The following IL17RD variants were observed in gnomAD, a reference collection of about 807,000 sequenced individuals.
IL17RD encodes interleukin 17 receptor D.
Under a neutral mutation model 80.5 loss-of-function variants are expected in IL17RD, and 52 were observed. That is an observed-to-expected ratio of 0.65 (90% CI 0.52 to 0.81). The LOEUF (loss-of-function observed/expected upper bound fraction) is 0.81, where lower values mean the gene tolerates loss of function less well. Ranked by LOEUF, IL17RD falls within the 40% of genes least tolerant of loss-of-function variation. The pLI is 0.00. For missense variants in IL17RD, 1,024 were observed against 955.1 expected, an observed-to-expected ratio of 1.07 and a Z score of -0.95; for synonymous variants, 416 against 391.8, an observed-to-expected ratio of 1.06 and a Z score of -0.73.
In IL17RD at chr3:57,094,287, T is replaced by C. The variant is rs1579249188; in HGVS notation, c.*2106A>G. The C allele has an allele frequency of 6.6e-6, 1 of 152,066 alleles. No homozygotes were observed. The highest frequency in any genetic ancestry group is 1.5e-5 in the Non-Finnish European group (1 of 68,022). The allele number at this position is 152,066 out of a possible 1,614,324, so 9.4% of individuals were successfully genotyped here. ...TTATTCTGAGGCAATCACACTATGG[T>C]TTCATTACTCGGTATATTAAGAGTT... On this transcript the variant is annotated 3_prime_UTR_variant, in exon 13 of 13. Coordinates refer to ENST00000296318, the MANE Select transcript of IL17RD (RefSeq NM_017563.5).
intron 1 of IL17RD, chr3:57,142,506 T>C: frequency 1.6e-6 from 2 of 1,288,336 alleles, no homozygotes; most frequent in Non-Finnish European, 2.0e-6. Context: ...GCGCGTGGCA[T>C]CCCTCCCCCT....
At position 57,105,949 on chromosome 3, in the gene IL17RD, C is replaced by T. The variant is rs1284163150; in HGVS notation, c.655G>A (p.Asp219Asn). Reference sequence around the variant, plus strand: ...AAGCCGAAGTTGTGCGGTGCATGGTCGAAGGACACCTGCATGTCCGAGCCA... The same window carrying T: ...AAGCCGAAGTTGTGCGGTGCATGGTTGAAGGACACCTGCATGTCCGAGCCA... ...QHGSDMQVSFDHAPHNFGFRF... is the reference protein window; with the variant it reads ...QHGSDMQVSFNHAPHNFGFRF... Residue 219 changes from aspartate (D) to asparagine (N), a missense_variant, in exon 7 of 13, where the codon GAC becomes AAC. Transcript: ENST00000296318. 4.3e-6 allele frequency: 7 copies of T among 1,613,718 alleles called. No individual in the cohort carries two copies. The highest frequency in any genetic ancestry group is 1.3e-5 in the African/African-American group (1 of 74,876).
intron 3 of IL17RD, 95 bp downstream of exon 3, chr3:57,114,597 G>T: frequency 8.2e-7 from 1 of 1,214,250 alleles, no homozygotes. Flanking sequence ...CTCACATCAA[G>T]ACCTGCCTGG....
rs759628358 is a variant in IL17RD at position 57,104,361 on chromosome 3, G to A, written c.794C>T (p.Pro265Leu). The change falls in exon 8 of 13, where the codon CCA becomes CTA. Residue 265 changes from proline (P) to leucine (L), a missense_variant. Pro to Leu is a moderately conservative substitution (Grantham distance 98, BLOSUM62 -3). Transcript: ENST00000296318. ...TTSCLLQNVS[P>L]GDYIIELVDD... The stretch of plus-strand genomic sequence containing the variant: ...GCATACCTCAATTATATAATCCCCT[G>A]GAGAAACATTTTGAAGGAGGCAGCT... 9 of 1,608,378 alleles carry A rather than the reference G, an allele frequency of 5.6e-6. No individual in the cohort carries two copies. In the South Asian group the frequency reaches 1.0e-4, roughly 18 times the overall value.
intron 1 of IL17RD, among the ~76,000 whole-genome samples, chr3:57,161,598 T>C (rs545128604): frequency 6.6e-6 from 1 of 152,262 alleles, no homozygotes; most frequent in African/African-American, 2.4e-5. Flanking sequence ...GTGGACCCCA[T>C]TTAGGTAAGG....
Position 57,120,247 on chromosome 3 carries a change from GTTAC to G in IL17RD, c.184+5_184+8del. 2.5e-6 allele frequency: 4 copies of G among 1,604,684 alleles called. No homozygotes were observed. The highest frequency in any genetic ancestry group is 1.7e-5 in the Admixed American group (1 of 60,012). On this transcript the variant is annotated splice_donor_5th_base_variant and intron_variant, in intron 2 of 12. Coordinates refer to ENST00000296318, the MANE Select transcript of IL17RD (RefSeq NM_017563.5). ...GCTCCATTCTTCAGCAATAAAGGCG[GTTAC>G]TTACTGTCATATTTGAAGGTGATGT...
At chr3:57,152,135 ACT>A (rs1346901051) in intron 1 of IL17RD, among the ~76,000 whole-genome samples, 2 of 152,040 alleles carry the variant, frequency 1.3e-5, no homozygotes, top group East Asian at 1.9e-4. Context: ...AGAAACAAGA[ACT>A]CTCTCGGCTG....
In IL17RD at chr3:57,149,311, A is replaced by AG. The variant is rs1230681661; in HGVS notation, c.126+15849_126+15850insC. 8.1e-4 allele frequency among the ~76,000 whole-genome samples: 123 copies of AG among 152,058 alleles called. 1 individual carries two copies. In the Middle Eastern group the frequency reaches 0.014, roughly 17 times the overall value. ...AACTCCATCTCAAAAAAAAAAAAAA[A>AG]AGCCGATTCCTTCACTCGGCAGAAT... On this transcript the variant is annotated intron_variant, in intron 1 of 12. Coordinates refer to ENST00000296318, the MANE Select transcript of IL17RD (RefSeq NM_017563.5).
At chr3:57,130,734 T>G (rs777591623) in intron 1 of IL17RD, among the ~76,000 whole-genome samples, 4 of 152,112 alleles carry the variant, frequency 2.6e-5, no homozygotes, top group Non-Finnish European at 4.4e-5. Flanking sequence ...TTCCATCTAG[T>G]CTCTTAGATA....
At chr3:57,127,407 TATA>T (rs1707517005) in intron 1 of IL17RD, among the ~76,000 whole-genome samples, 1 of 101,832 alleles carries the variant, frequency 9.8e-6, no homozygotes, top group African/African-American at 3.9e-5. Flanking sequence ...TATATATATA[TATA>T]TATTTTTTTT....
chr3:57,147,484 T>C (rs1579312227), intron 1 of IL17RD, among the ~76,000 whole-genome samples: 1 of 152,168 alleles, frequency 6.6e-6, no homozygotes, highest in Non-Finnish European at 1.5e-5. Context: ...TAAACATGTA[T>C]GAAATGAGAG....
intron 1 of IL17RD, among the ~76,000 whole-genome samples, chr3:57,154,260 T>TTA (rs751847693): frequency 0.057 from 7,270 of 128,422 alleles, 205 homozygotes; most frequent in African/African-American, 0.07. Flanking sequence ...AAAAAAAAAA[T>TTA]TATATATATA....
rs773378554 is a variant in IL17RD at position 57,097,760 on chromosome 3, T to G, written c.1943A>C (p.His648Pro). 2 of 1,603,840 alleles carry G rather than the reference T, an allele frequency of 1.2e-6. No individual in the cohort carries two copies. The stretch of plus-strand genomic sequence containing the variant: ...CGAGGGGCTGCCGGCTTTCACCGTG[T>G]GCAGCAGGGGTTGCAGGGCGGCGCT... ...DGSAALQPLLHTVKAGSPSDM... is the reference protein window; with the variant it reads ...DGSAALQPLLPTVKAGSPSDM... Residue 648 changes from histidine to proline, a missense_variant, in exon 12 of 13, where the codon CAC (histidine) becomes CCC (proline). Coordinates refer to ENST00000296318, the MANE Select transcript of IL17RD (RefSeq NM_017563.5).
chr3:57,148,088 TGGGGG>T (rs35252282), intron 1 of IL17RD, among the ~76,000 whole-genome samples: 275 of 19,766 alleles, frequency 0.014, 54 homozygotes, highest in African/African-American at 0.051. Flanking sequence ...AGGCCAAGGT[TGGGGG>T]GGGGGGGGGG....
At chr3:57,165,705 C>T (rs1229331529), upstream of IL17RD, among the ~76,000 whole-genome samples, 1 of 151,934 alleles carries the variant, frequency 6.6e-6, no homozygotes, top group Non-Finnish European at 1.5e-5. Context: ...TGTGCCAGAC[C>T]CCTTTCTGTA....
intron 1 of IL17RD, among the ~76,000 whole-genome samples, chr3:57,137,685 T>C (rs1025144620): frequency 1.3e-5 from 2 of 152,132 alleles, no homozygotes; most frequent in East Asian, 3.9e-4. Flanking sequence ...AGGAGGAAGG[T>C]GAGTCCTGGT....
chr3:57,146,029 T>G (rs28559910), intron 1 of IL17RD, among the ~76,000 whole-genome samples: 68 of 136,466 alleles, frequency 5.0e-4, no homozygotes, highest in Non-Finnish European at 1.3e-4. Context: ...ACACACACAC[T>G]CACGCGCGCG....
intron 1 of IL17RD, among the ~76,000 whole-genome samples, chr3:57,131,362 C>G (rs929665964): frequency 6.6e-6 from 1 of 152,156 alleles, no homozygotes; most frequent in South Asian, 2.1e-4. Flanking sequence ...AAAATACCAC[C>G]GTCCTGCCTT....
At chr3:57,137,947 C>A (rs1707759663) in intron 1 of IL17RD, among the ~76,000 whole-genome samples, 1 of 152,214 alleles carries the variant, frequency 6.6e-6, no homozygotes, top group African/African-American at 2.4e-5. Context: ...CATCAACTTC[C>A]CTACAGATCA....
Sources: gnomAD v4.1 joint callset for allele counts (sites outside exome capture counted in the v4.1 genomes callset) on GRCh38, gnomAD v4.1.1 for gene constraint, MANE v1.5 for transcripts, NCBI Gene and HGNC (gene_info 2026-07-23, HGNC 2026-07-21) for gene names.